The following DNAJC5B variants were observed in gnomAD, a reference collection of about 807,000 sequenced individuals.
The protein encoded by DNAJC5B is dnaJ homolog subfamily C member 5B.
In DNAJC5B, 23 loss-of-function variants were observed where a neutral mutation model predicts 24.7. The ratio of observed to expected loss-of-function variants is 0.93; its 90% CI spans 0.67 to 1.32. The LOEUF (loss-of-function observed/expected upper bound fraction) is 1.32, where lower values mean the gene tolerates loss of function less well. Among genes scored for constraint, DNAJC5B ranks in the 40% most tolerant of loss-of-function variants. The pLI is 0.00. For missense variants in DNAJC5B, 238 were observed against 240.8 expected, an observed-to-expected ratio of 0.99 and a Z score of 0.08; for synonymous variants, 101 against 90.1, an observed-to-expected ratio of 1.12 and a Z score of -0.68.
At chr8:66,079,900 C>A (rs542064270) in intron 4 of DNAJC5B, among the ~76,000 whole-genome samples, 6 of 152,050 alleles carry the variant, frequency 3.9e-5, no homozygotes, top group Non-Finnish European at 7.4e-5. Flanking sequence ...GAGACGCTAT[C>A]CAGGACTTGG....
chr8:66,027,994 T>C (rs1244491604), intron 1 of DNAJC5B, among the ~76,000 whole-genome samples: 1 of 152,208 alleles, frequency 6.6e-6, no homozygotes, highest in Non-Finnish European at 1.5e-5. Flanking sequence ...GATGTACACC[T>C]GCAAAGAGTT....
rs116758688 is a variant in DNAJC5B, at chr8:66,032,427, C to T, written c.-142+10722C>T. 2.4e-3 allele frequency among the ~76,000 whole-genome samples: 360 copies of T among 152,370 alleles called. 3 individuals carry two copies. Among genetic ancestry groups the T allele is most frequent in the African/African-American group, 7.8e-3 (326 of 41,594 alleles). On this transcript the variant is annotated intron_variant, in intron 1 of 5. Transcript: ENST00000276570. The stretch of plus-strand genomic sequence containing the variant: ...AGTTGCTGGTATTTGTTGAAAGCTA[C>T]GTGCTCGTGCTTTGTGTGGATATTA...
intron 3 of DNAJC5B, among the ~76,000 whole-genome samples, chr8:66,065,736 G>A (rs570385126): frequency 3.3e-5 from 5 of 152,276 alleles, no homozygotes; most frequent in African/African-American, 9.6e-5. Flanking sequence ...TGGGTGCTTC[G>A]ATATGGCTGT....
At chr8:66,088,481 C>G (rs1055355331) in intron 5 of DNAJC5B, among the ~76,000 whole-genome samples, 1 of 152,182 alleles carries the variant, frequency 6.6e-6, no homozygotes, top group Admixed American at 6.5e-5. Flanking sequence ...GCTTGAATTC[C>G]TCCCCAGAAA....
intron 5 of DNAJC5B, among the ~76,000 whole-genome samples, chr8:66,087,685 C>A (rs1299553550): frequency 2.6e-5 from 4 of 152,186 alleles, no homozygotes; most frequent in African/African-American, 9.6e-5. Context: ...ACCACAGGCC[C>A]CAGACAAGTC....
intron 5 of DNAJC5B, among the ~76,000 whole-genome samples, chr8:66,097,150 AATTTTTT>A (rs1807970276): frequency 6.6e-6 from 1 of 151,800 alleles, no homozygotes; most frequent in East Asian, 1.9e-4. Context: ...ACTTTCTGGT[AATTTTTT>A]TATCATTATA....
chr8:66,073,782 T>C (rs1807403778), intron 3 of DNAJC5B, among the ~76,000 whole-genome samples: 1 of 152,130 alleles, frequency 6.6e-6, no homozygotes, highest in Non-Finnish European at 1.5e-5. Flanking sequence ...CTATTTAAAG[T>C]AAGTGAGATT....
chr8:66,056,976 T>C lies in DNAJC5B; in HGVS notation c.119+5310T>C, dbSNP rs1482993904. Reference sequence around the variant, plus strand: ...TAACACAGTGAAAGCCCATCTCTACTAAAAATACAAAAATTAGCCGGGCTT... The same window carrying C: ...TAACACAGTGAAAGCCCATCTCTACCAAAAATACAAAAATTAGCCGGGCTT... On this transcript the variant is annotated intron_variant, in intron 3 of 5. Transcript: ENST00000276570. 2.0e-5 allele frequency: 3 copies of C among 151,980 alleles called. No homozygotes were observed. In the East Asian group the frequency reaches 5.8e-4, roughly 29 times the overall value. The allele number at this position is 151,980 out of a possible 1,614,324, so 9.4% of individuals were successfully genotyped here.
At chr8:66,084,528 AC>A (rs1807677577) in intron 5 of DNAJC5B, among the ~76,000 whole-genome samples, 1 of 152,100 alleles carries the variant, frequency 6.6e-6, no homozygotes, top group African/African-American at 2.4e-5. Flanking sequence ...TGAGGAATCA[AC>A]CCTCACCTCT....
In DNAJC5B at chr8:66,084,490, T is replaced by C. The variant is rs145984985; in HGVS notation, c.505+3942T>C. 1.2e-3 allele frequency among the ~76,000 whole-genome samples: 182 copies of C among 152,228 alleles called. 2 individuals carry two copies. The highest frequency in any genetic ancestry group is 1.0e-2 in the South Asian group (48 of 4,824). ...CTTAGGTAGGATCTAATAAAAAAAATCTTAGGATTTTAGACTTGGGAGGAA... is the reference window on the plus strand; with the variant it reads ...CTTAGGTAGGATCTAATAAAAAAAACCTTAGGATTTTAGACTTGGGAGGAA... On this transcript the variant is annotated intron_variant, in intron 5 of 5. Coordinates refer to ENST00000276570, the MANE Select transcript of DNAJC5B (RefSeq NM_033105.6).
chr8:66,084,916 T>C (rs1327253147), intron 5 of DNAJC5B, among the ~76,000 whole-genome samples: 1 of 152,208 alleles, frequency 6.6e-6, no homozygotes, highest in Non-Finnish European at 1.5e-5. Context: ...CTTTCTCCAA[T>C]GTTTTCTAAA....
At chr8:66,058,799 T>G (rs79768638) in intron 3 of DNAJC5B, among the ~76,000 whole-genome samples, 2,730 of 152,308 alleles carry the variant, frequency 0.018, 74 homozygotes, top group African/African-American at 0.061. Flanking sequence ...CTACCTCAAA[T>G]GACAGCTGGG....
At chr8:66,036,631 T>C (rs879333708) in intron 1 of DNAJC5B, among the ~76,000 whole-genome samples, 2 of 152,118 alleles carry the variant, frequency 1.3e-5, no homozygotes, top group Non-Finnish European at 2.9e-5. Flanking sequence ...GTGAGAAATA[T>C]TTTGAAGTTG....
At chr8:66,088,891 A>G (rs1331475255) in intron 5 of DNAJC5B, among the ~76,000 whole-genome samples, 1 of 152,096 alleles carries the variant, frequency 6.6e-6, no homozygotes, top group African/African-American at 2.4e-5. Flanking sequence ...ACTTTCCCAC[A>G]TCTTCCTGTC....
chr8:66,082,615 G>A (rs190642501), intron 5 of DNAJC5B, among the ~76,000 whole-genome samples: 158 of 152,198 alleles, frequency 1.0e-3, no homozygotes, highest in Middle Eastern at 3.4e-3. Context: ...AGTAAACCAC[G>A]ATCCTGTTTG....
At chr8:66,050,696 T>G (rs77548320) in intron 2 of DNAJC5B, among the ~76,000 whole-genome samples, 5,806 of 152,264 alleles carry the variant, frequency 0.038, 151 homozygotes, top group Middle Eastern at 0.069. Context: ...GCTAAACGGC[T>G]AATAGGAAAA....
At chr8:66,018,736 T>G (rs1373173383), upstream of DNAJC5B, among the ~76,000 whole-genome samples, 2 of 105,380 alleles carry the variant, frequency 1.9e-5, no homozygotes, top group Non-Finnish European at 3.4e-5. Context: ...TGTGGGAATC[T>G]GTATATATAT....
chr8:66,030,534 C>A lies in DNAJC5B; in HGVS notation c.-142+8829C>A, dbSNP rs533921280. 2.6e-5 allele frequency among the ~76,000 whole-genome samples: 4 copies of A among 152,330 alleles called. No homozygotes were observed. The South Asian group carries it at 8.3e-4, about 32-fold the overall frequency. ...ACTTGCTGTGTCCTTCCCCTGCCAC[C>A]ACTGCCCCCTTCCTCTACTGGTAAG... On this transcript the variant is annotated intron_variant, in intron 1 of 5. Coordinates refer to ENST00000276570, the MANE Select transcript of DNAJC5B (RefSeq NM_033105.6).
At chr8:66,096,992 G>A (rs560120062) in intron 5 of DNAJC5B, among the ~76,000 whole-genome samples, 1 of 152,150 alleles carries the variant, frequency 6.6e-6, no homozygotes, top group East Asian at 1.9e-4. Context: ...CCTTGGCCTA[G>A]TTACACAGTC....
Sources: gnomAD v4.1 joint callset for allele counts (sites outside exome capture counted in the v4.1 genomes callset) on GRCh38, gnomAD v4.1.1 for gene constraint, MANE v1.5 for transcripts, NCBI Gene and HGNC (gene_info 2026-07-23, HGNC 2026-07-21) for gene names.